The following KIF21A variants were observed in gnomAD, a reference collection of about 807,000 sequenced individuals.
KIF21A encodes the protein kinesin-like protein KIF21A.
In KIF21A, 114 loss-of-function variants were observed where a neutral mutation model predicts 202.9. The ratio of observed to expected loss-of-function variants is 0.56; its 90% confidence interval spans 0.48 to 0.66. KIF21A has a LOEUF of 0.66. KIF21A is among the 30% of genes least tolerant of loss of function. The pLI is 0.00. For synonymous variants in KIF21A, 667 were observed against 670.8 expected (o/e 0.99, Z 0.09); for missense variants, 1,677 against 1,994.9 (o/e 0.84, Z 3.04).
At position 39,307,872 on chromosome 12, in the gene KIF21A, C is replaced by T. The variant is rs1592054541; in HGVS notation, c.4278-143G>A. On this transcript the variant is annotated intron_variant, in intron 33 of 37. Transcript: ENST00000361418. ...ACTATATGTATACTACCTAGCACAG[C>T]ACCTAACACAGAGTTGGTGCATATA... 4.4e-6 allele frequency: 3 copies of T among 682,678 alleles called. No homozygotes were observed. In the East Asian group the frequency reaches 8.2e-5, roughly 19 times the overall value. 42.3% of individuals were successfully genotyped at this position (682,678 alleles called of 1,614,324 possible).
In KIF21A at chr12:39,351,777, C is replaced by G. The variant is rs774683597; in HGVS notation, c.1673G>C (p.Arg558Thr). 1 of 1,531,642 alleles carries G rather than the reference C, an allele frequency of 6.5e-7. No individual in the cohort carries two copies. The allele number at this position is 1,531,642 out of a possible 1,614,324, so 94.9% of individuals were successfully genotyped here. A position where few individuals can be genotyped will look rare whatever the true frequency, so the allele number is the denominator to read the frequency against. ...LKRKEKRKKKRLQKLEESNRE... is the reference protein window; with the variant it reads ...LKRKEKRKKKTLQKLEESNRE... ...TTTAGTGGTGATTTTATAATCCCAC[C>G]TTTTTTTCTTCCTCTTTTCTTTTCT... Residue 558 changes from arginine (R) to threonine (T), a missense_variant and splice_region_variant, in exon 11 of 38, where the codon AGG becomes ACG. Physicochemically the swap from Arg to Thr is moderately conservative, Grantham distance 71. Coordinates refer to ENST00000361418, the MANE Select transcript of KIF21A (RefSeq NM_001173464.2).
At position 39,303,115 on chromosome 12, in the gene KIF21A, T is replaced by C. The variant is rs1226853963; in HGVS notation, c.4581A>G (p.Gly1527=). The change falls in exon 36 of 38, where the codon GGA becomes GGG. Residue 1527 remains glycine (G), a synonymous_variant. Transcript: ENST00000361418. ...GGGTGGGACTCACAGTCCCAAGAGC[T>C]CCTTCTGTAACATCAAACATCTAAA... is the stretch of plus-strand genomic sequence containing the variant. ...HYIKMFDVTE[G]ALGTVSPTHN... 1 of 1,613,914 alleles carries C rather than the reference T, an allele frequency of 6.2e-7. No individual in the cohort carries two copies. Among genetic ancestry groups the C allele is most frequent in the African/African-American group, 1.3e-5 (1 of 74,898 alleles).
intron 37 of KIF21A, among the ~76,000 whole-genome samples, chr12:39,297,908 T>G (rs999202838): frequency 2.0e-4 from 29 of 147,684 alleles, no homozygotes; most frequent in African/African-American, 7.0e-4. Flanking sequence ...AATAAAGTAT[T>G]GTATTTTGGT....
At position 39,369,323 on chromosome 12, in the gene KIF21A, G is replaced by A. The variant is rs574969720; in HGVS notation, c.450+406C>T. 8.5e-5 allele frequency among the ~76,000 whole-genome samples: 13 copies of A among 152,134 alleles called. 1 individual carries two copies. The highest frequency in any genetic ancestry group is 2.9e-4 in the African/African-American group (12 of 41,528). The stretch of plus-strand genomic sequence containing the variant: ...AAATTACAAAAAATTAGCCAGGTGT[G>A]GTGGTGCATGCCTGTAGTCCCAGGT... On this transcript the variant is annotated intron_variant, in intron 3 of 37. Transcript: ENST00000361418.
intron 10 of KIF21A, among the ~76,000 whole-genome samples, chr12:39,352,299 T>C (rs1031907548): frequency 2.0e-5 from 3 of 152,142 alleles, no homozygotes; most frequent in African/African-American, 7.2e-5. Flanking sequence ...TTAGTCTTCA[T>C]GCTAAAAAGT....
chr12:39,421,783 AATATGTATAATTTTATATATTATATAATT>A (rs1024680103), intron 1 of KIF21A, among the ~76,000 whole-genome samples: 4 of 146,782 alleles, frequency 2.7e-5, no homozygotes, highest in Non-Finnish European at 6.0e-5. Flanking sequence ...ATAAAAATAA[AATATGTATAATTTTATATATTATATAATT>A]ATATGTATAA....
At chr12:39,308,988 T>G (rs1943746323) in intron 33 of KIF21A, among the ~76,000 whole-genome samples, 1 of 151,944 alleles carries the variant, frequency 6.6e-6, no homozygotes, top group Non-Finnish European at 1.5e-5. Context: ...ATTAAAAAAT[T>G]CATCAATATC....
chr12:39,350,358 A>C (rs73086868), intron 11 of KIF21A, among the ~76,000 whole-genome samples: 3,883 of 152,116 alleles, frequency 0.026, 64 homozygotes, highest in Non-Finnish European at 0.041. Flanking sequence ...AATTTACCTC[A>C]AAAGGAAAAA....
At chr12:39,408,150 G>A (rs565045837) in intron 1 of KIF21A, among the ~76,000 whole-genome samples, 32 of 152,080 alleles carry the variant, frequency 2.1e-4, no homozygotes, top group African/African-American at 7.0e-4. Context: ...TTGGCACCAA[G>A]GACTGGTTTC....
intron 1 of KIF21A, among the ~76,000 whole-genome samples, chr12:39,416,818 T>TATATAG (rs1953776918): frequency 7.2e-6 from 1 of 139,696 alleles, no homozygotes; most frequent in African/African-American, 2.6e-5. Flanking sequence ...TATGTGTGTA[T>TATATAG]ATATGTACAT....
At chr12:39,407,920 A>G (rs1952737797) in intron 1 of KIF21A, among the ~76,000 whole-genome samples, 1 of 151,404 alleles carries the variant, frequency 6.6e-6, no homozygotes, top group Non-Finnish European at 1.5e-5. Flanking sequence ...TGCTAAATAT[A>G]TTTAGCATAA....
chr12:39,313,026 A>C (rs773866570), intron 31 of KIF21A, among the ~76,000 whole-genome samples: 2 of 151,990 alleles, frequency 1.3e-5, no homozygotes, highest in African/African-American at 2.4e-5. Flanking sequence ...GAAAGAGAAT[A>C]ATCTTCGAGA....
intron 4 of KIF21A, among the ~76,000 whole-genome samples, chr12:39,367,561 A>C (rs545129431): frequency 1.3e-5 from 2 of 152,288 alleles, no homozygotes; most frequent in South Asian, 4.1e-4. Context: ...ACATAGGTTA[A>C]AGCAAAAAGT....
intron 33 of KIF21A, 115 bp from the exon 34 acceptor site, chr12:39,307,844 G>A: frequency 5.1e-6 from 4 of 789,844 alleles, no homozygotes; most frequent in East Asian, 5.3e-5. Flanking sequence ...GTGTCCTTTT[G>A]TCACTATATG....
chr12:39,336,589 T>C (rs35713291), intron 17 of KIF21A, among the ~76,000 whole-genome samples: 1,796 of 152,286 alleles, frequency 0.012, 10 homozygotes, highest in Non-Finnish European at 0.02. Flanking sequence ...TTTTGATGCA[T>C]AGTATTTTTA....
intron 10 of KIF21A, among the ~76,000 whole-genome samples, chr12:39,352,868 A>G (rs1948499562): frequency 6.6e-6 from 1 of 152,252 alleles, no homozygotes; most frequent in East Asian, 1.9e-4. Context: ...TGAAATCCTA[A>G]AAGAGCCTAG....
intron 11 of KIF21A, among the ~76,000 whole-genome samples, chr12:39,350,870 T>C (rs1222219833): frequency 1.3e-5 from 2 of 151,994 alleles, no homozygotes; most frequent in Non-Finnish European, 2.9e-5. Flanking sequence ...CATTTTTAAA[T>C]AAACTGAGCA....
At chr12:39,361,860 A>G (rs1949260297) in intron 7 of KIF21A, among the ~76,000 whole-genome samples, 1 of 152,218 alleles carries the variant, frequency 6.6e-6, no homozygotes, top group Admixed American at 6.5e-5. Flanking sequence ...AGGATTTAAT[A>G]TTATCCAAAA....
chr12:39,302,864 G>A (rs1943097024), intron 36 of KIF21A, 101 bp downstream of exon 36: 1 of 1,036,542 alleles, frequency 9.6e-7, no homozygotes, highest in African/African-American at 1.6e-5. Flanking sequence ...AATATTATCT[G>A]TAAATGATAA....
Sources: gnomAD v4.1 joint callset for allele counts (sites outside exome capture counted in the v4.1 genomes callset) on GRCh38, gnomAD v4.1.1 for gene constraint, MANE v1.5 for transcripts, NCBI Gene and HGNC (gene_info 2026-07-23, HGNC 2026-07-21) for gene names.